The following CAMK2D variants were observed in gnomAD, a reference collection of about 807,000 sequenced individuals.
The protein encoded by CAMK2D is calcium/calmodulin dependent protein kinase II delta, also known as calcium/calmodulin-dependent protein kinase type II subunit delta.
A neutral mutation model predicts 84.0 loss-of-function variants in CAMK2D; 37 were observed. The observed-to-expected ratio is 0.44, with a 90% CI of 0.34 to 0.58. CAMK2D has a LOEUF of 0.58. Ranked by LOEUF, CAMK2D falls within the 20% of genes least tolerant of loss-of-function variation. The pLI is 0.02. For synonymous variants in CAMK2D, 202 were observed against 212.5 expected (o/e 0.95, Z 0.43); for missense variants, 448 against 652.5 (o/e 0.69, Z 3.41).
intron 2 of CAMK2D, among the ~76,000 whole-genome samples, chr4:113,736,181 T>A (rs936393755): frequency 6.6e-6 from 1 of 151,074 alleles, no homozygotes; most frequent in African/African-American, 2.4e-5. Flanking sequence ...TATATAAAAG[T>A]GTATTTTATG....
At chr4:113,605,878 G>A (rs2098974856) in intron 4 of CAMK2D, among the ~76,000 whole-genome samples, 2 of 151,978 alleles carry the variant, frequency 1.3e-5, no homozygotes, top group Admixed American at 6.6e-5. Flanking sequence ...GAAATCCAAA[G>A]TCTTATAAAA....
chr4:113,546,704 G>A (rs1039938096), intron 6 of CAMK2D, among the ~76,000 whole-genome samples: 1 of 152,154 alleles, frequency 6.6e-6, no homozygotes, highest in African/African-American at 2.4e-5. Context: ...CCTAGAAAAT[G>A]CTGAGTTTGA....
intron 2 of CAMK2D, among the ~76,000 whole-genome samples, chr4:113,691,066 T>C (rs1244343388): frequency 2.6e-5 from 4 of 152,132 alleles, no homozygotes; most frequent in Non-Finnish European, 5.9e-5. Context: ...CACAGAATAT[T>C]CCTTAATAGA....
At chr4:113,542,652 T>C (rs937489085) in intron 6 of CAMK2D, among the ~76,000 whole-genome samples, 2 of 151,904 alleles carry the variant, frequency 1.3e-5, no homozygotes, top group Non-Finnish European at 2.9e-5. Flanking sequence ...GAGGCGGAGC[T>C]TGCAGTGAGC....
chr4:113,537,308 T>G (rs1235888082), intron 7 of CAMK2D, 33 bp downstream of exon 7: 1 of 1,115,240 alleles, frequency 9.0e-7, no homozygotes. Flanking sequence ...GCCAGAAGAC[T>G]ATAGGTAGCA....
At chr4:113,461,860 C>G (rs1175431006) in intron 17 of CAMK2D, among the ~76,000 whole-genome samples, 5 of 152,128 alleles carry the variant, frequency 3.3e-5, no homozygotes, top group Non-Finnish European at 7.4e-5. Flanking sequence ...CACTGTAGTT[C>G]CTCAAAGTGC....
chr4:113,633,349 G>T (rs911188932), intron 3 of CAMK2D, among the ~76,000 whole-genome samples: 15 of 152,214 alleles, frequency 9.9e-5, no homozygotes, highest in Admixed American at 7.8e-4. Context: ...TCTTCAAAAA[G>T]GTATTAATAT....
At chr4:113,543,981 CG>C in intron 6 of CAMK2D, among the ~76,000 whole-genome samples, 1 of 151,866 alleles carries the variant, frequency 6.6e-6, no homozygotes, top group Non-Finnish European at 1.5e-5. Context: ...TTAGTAGTGA[CG>C]GGGTTTCACC....
At chr4:113,626,808 T>A (rs992696455) in intron 3 of CAMK2D, among the ~76,000 whole-genome samples, 7 of 152,164 alleles carry the variant, frequency 4.6e-5, no homozygotes, top group African/African-American at 1.7e-4. Context: ...CTCGTAATGA[T>A]GATGTATAAT....
chr4:113,558,442 G>T (rs1676495991), intron 4 of CAMK2D, among the ~76,000 whole-genome samples: 1 of 152,120 alleles, frequency 6.6e-6, no homozygotes, highest in African/African-American at 2.4e-5. Flanking sequence ...CTCTGTATAT[G>T]AGGATTTGAC....
intron 16 of CAMK2D, among the ~76,000 whole-genome samples, chr4:113,472,094 G>A (rs10017904): frequency 0.14 from 20,500 of 151,850 alleles, 1,664 homozygotes; most frequent in African/African-American, 0.22. Flanking sequence ...CTCTTCCTGC[G>A]TGCTTCAGAC....
chr4:113,745,424 G>A (rs1374288358), intron 2 of CAMK2D, among the ~76,000 whole-genome samples: 1 of 152,092 alleles, frequency 6.6e-6, no homozygotes, highest in Non-Finnish European at 1.5e-5. Context: ...TGATACTGAA[G>A]ATACATATAT....
In CAMK2D at chr4:113,639,126, C is replaced by T. The variant is rs892219358; in HGVS notation, c.220+22587G>A. On this transcript the variant is annotated intron_variant, in intron 3 of 20. Coordinates refer to ENST00000511664, the MANE Select transcript of CAMK2D (RefSeq NM_001321571.2). ...CCGGTGTGGTGGTGTGCACCTGTAG[C>T]CCCAGCTTCTCAGGAGGCTGAGGGA... 2.6e-5 allele frequency among the ~76,000 whole-genome samples: 4 copies of T among 151,126 alleles called. No homozygotes were observed. In the South Asian group the frequency reaches 8.4e-4, roughly 32 times the overall value.
rs185066168 is a variant in CAMK2D, at chr4:113,651,546, T to C, written c.220+10167A>G. ...AAACCCCTAAATTGGTATTCCTCTG[T>C]ATACTCTAAGTAAGTTATAAGCAAT... On this transcript the variant is annotated intron_variant, in intron 3 of 20. Coordinates refer to ENST00000511664, the MANE Select transcript of CAMK2D (RefSeq NM_001321571.2). Among the ~76,000 whole-genome samples, 58 of 152,296 alleles carry C rather than the reference T, an allele frequency of 3.8e-4. No individual in the cohort carries two copies. The East Asian group carries it at 9.8e-3, about 26-fold the overall frequency.
At chr4:113,551,295 C>T (rs979760643) in intron 5 of CAMK2D, among the ~76,000 whole-genome samples, 1 of 152,100 alleles carries the variant, frequency 6.6e-6, no homozygotes, top group Non-Finnish European at 1.5e-5. Context: ...AAAAACTTAG[C>T]CTTTTTTAAA....
chr4:113,499,549 T>A (rs2098000957), intron 16 of CAMK2D, among the ~76,000 whole-genome samples: 1 of 152,226 alleles, frequency 6.6e-6, no homozygotes, highest in African/African-American at 2.4e-5. Flanking sequence ...TTTATTGTAT[T>A]AACACTACCT....
At chr4:113,704,434 T>C (rs538530410) in intron 2 of CAMK2D, among the ~76,000 whole-genome samples, 5 of 152,018 alleles carry the variant, frequency 3.3e-5, no homozygotes, top group Admixed American at 3.3e-4. Flanking sequence ...TAAGTTTTAT[T>C]ATCCCAAATT....
At chr4:113,608,183 C>T (rs1483052534) in intron 4 of CAMK2D, among the ~76,000 whole-genome samples, 1 of 152,134 alleles carries the variant, frequency 6.6e-6, no homozygotes, top group Non-Finnish European at 1.5e-5. Flanking sequence ...GAAGACAAAC[C>T]CACATAATAC....
At chr4:113,568,216 C>T (rs1320472607) in intron 4 of CAMK2D, among the ~76,000 whole-genome samples, 2 of 152,112 alleles carry the variant, frequency 1.3e-5, no homozygotes, top group African/African-American at 4.8e-5. Flanking sequence ...GAACTCTGTA[C>T]CCCAAAACTA....
Sources: allele counts gnomAD v4.1 joint callset (sites outside exome capture counted in the v4.1 genomes callset), GRCh38; gene constraint gnomAD v4.1.1; transcripts MANE v1.5; gene names NCBI Gene and HGNC (gene_info 2026-07-23, HGNC 2026-07-21).